Variants in OSBPL8 observed in about 807,000 individuals in gnomAD.
OSBPL8 encodes the protein oxysterol-binding protein-related protein 8.
In OSBPL8, 59 loss-of-function variants were observed where a neutral mutation model predicts 125.5. The observed-to-expected ratio is 0.47, with a 90% CI of 0.38 to 0.58. The LOEUF (loss-of-function observed/expected upper bound fraction) is 0.58, where lower values mean the gene tolerates loss of function less well. Among genes scored for constraint, OSBPL8 ranks in the 20% least tolerant of loss-of-function variants. The pLI is 0.00. For missense variants in OSBPL8, 758 were observed against 1,047.8 expected, an observed-to-expected ratio of 0.72 and a Z score of 3.82; for synonymous variants, 330 against 338.9, an observed-to-expected ratio of 0.97 and a Z score of 0.29.
chr12:76,436,808 T>C (rs766698994), intron 4 of OSBPL8, among the ~76,000 whole-genome samples: 1 of 152,178 alleles, frequency 6.6e-6, no homozygotes, highest in Non-Finnish European at 1.5e-5. Flanking sequence ...CACATGTGTA[T>C]TATAAATACC....
At chr12:76,452,048 C>A (rs1873483040) in intron 3 of OSBPL8, among the ~76,000 whole-genome samples, 1 of 151,792 alleles carries the variant, frequency 6.6e-6, no homozygotes, top group African/African-American at 2.4e-5. Flanking sequence ...ACCTGGGGGG[C>A]AGAGGTTGCA....
At chr12:76,498,597 C>A (rs891624223) in intron 1 of OSBPL8, among the ~76,000 whole-genome samples, 2 of 152,138 alleles carry the variant, frequency 1.3e-5, no homozygotes, top group Admixed American at 1.3e-4. Flanking sequence ...ATGCTTTGAA[C>A]GCAGACATTT....
Position 76,527,646 on chromosome 12 carries a change from C to T in OSBPL8, c.-68+31751G>A, listed in dbSNP as rs181767439. Among the ~76,000 whole-genome samples, 60 of 140,898 alleles carry T rather than the reference C, an allele frequency of 4.3e-4. No homozygotes were observed. In the East Asian group the frequency reaches 0.01, roughly 24 times the overall value. The allele number at this position is 140,898 out of a possible 152,430, so 92.4% of individuals were successfully genotyped here. ...TCAGTTTGGAGAATCCTACATGTTC[C>T]AATTACTTTCCTACCTTTTCTAGTT... On this transcript the variant is annotated intron_variant, in intron 1 of 23. Transcript: ENST00000261183.
intron 2 of OSBPL8, among the ~76,000 whole-genome samples, chr12:76,472,937 G>A (rs1250137560): frequency 6.6e-6 from 1 of 152,058 alleles, no homozygotes; most frequent in Non-Finnish European, 1.5e-5. Context: ...CCCGGGGAAA[G>A]GGAGACTCCC....
chr12:76,545,380 C>A (rs1422688199), intron 1 of OSBPL8, among the ~76,000 whole-genome samples: 1 of 152,030 alleles, frequency 6.6e-6, no homozygotes, highest in Non-Finnish European at 1.5e-5. Flanking sequence ...TAATGAATTT[C>A]TCATTTATTA....
intron 21 of OSBPL8, among the ~76,000 whole-genome samples, chr12:76,363,560 A>AACCAT (rs1368801671): frequency 6.6e-6 from 1 of 152,270 alleles, no homozygotes; most frequent in African/African-American, 2.4e-5. Context: ...AAAAACGCAG[A>AACCAT]AGAAAACCTA....
chr12:76,364,056 G>C (rs1161163699), intron 21 of OSBPL8, among the ~76,000 whole-genome samples: 9 of 152,170 alleles, frequency 5.9e-5, no homozygotes, highest in African/African-American at 2.2e-4. Flanking sequence ...GTTGGTGGGA[G>C]GGTAAATTAG....
intron 2 of OSBPL8, among the ~76,000 whole-genome samples, chr12:76,461,536 C>T (rs1874734746): frequency 6.6e-6 from 1 of 150,924 alleles, no homozygotes; most frequent in Non-Finnish European, 1.5e-5. Flanking sequence ...CTGCAATCTC[C>T]ACCTCCCGGG....
At chr12:76,399,811 G>C in intron 7 of OSBPL8, 62 bp downstream of exon 7, 1 of 1,361,308 alleles carries the variant, frequency 7.3e-7, no homozygotes, top group Non-Finnish European at 1.0e-6. Flanking sequence ...TATACTCCAG[G>C]CTTTTCCATT....
intron 1 of OSBPL8, among the ~76,000 whole-genome samples, chr12:76,550,834 T>A (rs1592906182): frequency 6.6e-6 from 1 of 152,124 alleles, no homozygotes; most frequent in African/African-American, 2.4e-5. Context: ...GGTACCAGGG[T>A]TCATGCCTGT....
intron 4 of OSBPL8, among the ~76,000 whole-genome samples, chr12:76,435,789 T>C (rs1175550732): frequency 6.6e-6 from 1 of 152,134 alleles, no homozygotes; most frequent in African/African-American, 2.4e-5. Flanking sequence ...AGAACCTAAA[T>C]CACCCTAGTG....
chr12:76,495,286 C>A (rs1879158040), intron 1 of OSBPL8, among the ~76,000 whole-genome samples: 1 of 152,166 alleles, frequency 6.6e-6, no homozygotes, highest in African/African-American at 2.4e-5. Flanking sequence ...ACAAAATATA[C>A]AAATTCAGCA....
intron 1 of OSBPL8, among the ~76,000 whole-genome samples, chr12:76,523,881 A>C (rs1030280423): frequency 6.6e-6 from 1 of 152,172 alleles, no homozygotes; most frequent in African/African-American, 2.4e-5. Flanking sequence ...TAGCAATATA[A>C]CTCTTCATTT....
At chr12:76,498,095 CA>C (rs1879466050) in intron 1 of OSBPL8, among the ~76,000 whole-genome samples, 1 of 152,136 alleles carries the variant, frequency 6.6e-6, no homozygotes, top group African/African-American at 2.4e-5. Flanking sequence ...ATTTCTCAGG[CA>C]AATGATTTTT....
At chr12:76,456,739 T>A (rs969753365) in intron 3 of OSBPL8, among the ~76,000 whole-genome samples, 1 of 152,220 alleles carries the variant, frequency 6.6e-6, no homozygotes, top group African/African-American at 2.4e-5. Context: ...GTATTACATA[T>A]TGTATTATGT....
chr12:76,412,739 G>GA (rs1868281624), intron 4 of OSBPL8, among the ~76,000 whole-genome samples: 1 of 152,036 alleles, frequency 6.6e-6, no homozygotes, highest in South Asian at 2.1e-4. Flanking sequence ...TTTTACAGTT[G>GA]AAAAAACTAA....
At chr12:76,376,925 T>TGC (rs1272129214) in intron 16 of OSBPL8, among the ~76,000 whole-genome samples, 1 of 152,116 alleles carries the variant, frequency 6.6e-6, no homozygotes, top group African/African-American at 2.4e-5. Flanking sequence ...TCCCTCCCCT[T>TGC]GCCCCCCACC....
intron 1 of OSBPL8, among the ~76,000 whole-genome samples, chr12:76,524,420 GT>G (rs1042354222): frequency 1.6e-4 from 25 of 152,252 alleles, no homozygotes; most frequent in African/African-American, 6.0e-4. Flanking sequence ...CCAAATAAGA[GT>G]AGTAAGAGCA....
chr12:76,428,241 A>G (rs17042295), intron 4 of OSBPL8, among the ~76,000 whole-genome samples: 6,553 of 152,118 alleles, frequency 0.043, 505 homozygotes, highest in African/African-American at 0.15. Context: ...ATAAAAGGTC[A>G]TAAGAGTCTC....
Sources: gnomAD v4.1 joint callset for allele counts (sites outside exome capture counted in the v4.1 genomes callset) on GRCh38, gnomAD v4.1.1 for gene constraint, MANE v1.5 for transcripts, NCBI Gene and HGNC (gene_info 2026-07-23, HGNC 2026-07-21) for gene names.